Variants in ASH1L observed in about 807,000 individuals in gnomAD.
ASH1L encodes the protein histone-lysine N-methyltransferase ASH1L.
Under a neutral mutation model 269.0 loss-of-function variants are expected in ASH1L, and 23 were observed. That is an observed-to-expected ratio of 0.09 (90% confidence interval 0.06 to 0.12). The LOEUF is 0.12. ASH1L is among the 10% of genes least tolerant of loss of function. The pLI is 1.00. For synonymous variants in ASH1L, 1,187 were observed against 1,253.5 expected (o/e 0.95, Z 1.12); for missense variants, 2,912 against 3,567.8 (o/e 0.82, Z 4.68).
At chr1:155,355,007 C>T (rs752953659) in intron 15 of ASH1L, among the ~76,000 whole-genome samples, 1 of 152,128 alleles carries the variant, frequency 6.6e-6, no homozygotes, top group Admixed American at 6.6e-5. Flanking sequence ...AAGATGGATA[C>T]GCACTGGGCA....
intron 4 of ASH1L, among the ~76,000 whole-genome samples, chr1:155,441,933 T>C (rs569011777): frequency 6.4e-4 from 97 of 151,992 alleles, no homozygotes; most frequent in Non-Finnish European, 1.1e-3. Flanking sequence ...GCCCAGCTAC[T>C]TTTTTGTATT....
rs765611799 is a variant in ASH1L at position 155,480,474 on chromosome 1, G to A, written c.2396C>T (p.Pro799Leu). The A allele has an allele frequency of 3.1e-6, 5 of 1,613,976 alleles. No homozygotes were observed. The highest frequency in any genetic ancestry group is 1.1e-5 in the South Asian group (1 of 91,076). ...SLALLADSEK[P>L]SHKSFATHKL... Reference sequence around the variant, plus strand: ...GTGAGTAGCAAAAGACTTATGAGATGGTTTTTCACTATCAGCTAAGAGAGC... The same window carrying A: ...GTGAGTAGCAAAAGACTTATGAGATAGTTTTTCACTATCAGCTAAGAGAGC... The change falls in exon 3 of 28, where the codon CCA becomes CTA. Residue 799 changes from proline to leucine, a missense_variant. Coordinates refer to ENST00000392403, the MANE Select transcript of ASH1L (RefSeq NM_018489.3).
chr1:155,496,816 T>A (rs1183683621), intron 2 of ASH1L, among the ~76,000 whole-genome samples: 1 of 151,886 alleles, frequency 6.6e-6, no homozygotes, highest in Admixed American at 6.6e-5. Context: ...TTTTTTTTTT[T>A]AATTTTTGTA....
chr1:155,413,645 G>A (rs556081080), intron 6 of ASH1L, among the ~76,000 whole-genome samples: 6 of 152,114 alleles, frequency 3.9e-5, no homozygotes, highest in Admixed American at 2.0e-4. Flanking sequence ...AACAAAGAAG[G>A]AGCATGCTTT....
At chr1:155,361,315 G>A (rs1305076998) in intron 12 of ASH1L, among the ~76,000 whole-genome samples, 1 of 151,122 alleles carries the variant, frequency 6.6e-6, no homozygotes, top group Non-Finnish European at 1.5e-5. Flanking sequence ...TCAGGAGTTC[G>A]AGACCAGCCT....
At chr1:155,483,626 G>C (rs1271678117) in intron 2 of ASH1L, among the ~76,000 whole-genome samples, 1 of 151,394 alleles carries the variant, frequency 6.6e-6, no homozygotes, top group Non-Finnish European at 1.5e-5. Flanking sequence ...CTTTGACCCA[G>C]AAATCCTACT....
At chr1:155,380,456 A>G (rs1656835623) in intron 7 of ASH1L, among the ~76,000 whole-genome samples, 1 of 152,136 alleles carries the variant, frequency 6.6e-6, no homozygotes, top group Non-Finnish European at 1.5e-5. Context: ...CTTCATTATT[A>G]CACATAACCT....
At chr1:155,433,873 G>A in intron 5 of ASH1L, 1 of 1,604,340 alleles carries the variant, frequency 6.2e-7, no homozygotes, top group Non-Finnish European at 8.5e-7. Flanking sequence ...AGGCTCGAAA[G>A]AGAAAGCGAA....
chr1:155,434,202 A>T, intron 5 of ASH1L: 1 of 1,596,002 alleles, frequency 6.3e-7, no homozygotes, highest in Non-Finnish European at 8.5e-7. Context: ...CCTTTCCCTG[A>T]GGGGGAAGCC....
chr1:155,337,803 T>C (rs779553854), intron 27 of ASH1L, 52 bp from the exon 28 acceptor site: 10 of 1,522,812 alleles, frequency 6.6e-6, no homozygotes, highest in African/African-American at 1.4e-5. Flanking sequence ...CTACTCCTTA[T>C]TCCAGATTTG....
At chr1:155,415,512 G>A (rs1488574638) in intron 6 of ASH1L, among the ~76,000 whole-genome samples, 3 of 152,054 alleles carry the variant, frequency 2.0e-5, no homozygotes, top group Non-Finnish European at 4.4e-5. Context: ...GTAGTACAGT[G>A]AACACTGGTA....
intron 2 of ASH1L, among the ~76,000 whole-genome samples, chr1:155,493,459 GTTTCT>G (rs761891166): frequency 4.6e-5 from 7 of 152,134 alleles, no homozygotes; most frequent in Non-Finnish European, 7.4e-5. Context: ...AGATTCTGCT[GTTTCT>G]TTTATTAATA....
rs1357263087 is a variant in ASH1L at position 155,562,393 on chromosome 1, C to T, written c.-340G>A. ...CGCAACCGAGACTGGGATCGTCTCC[C>T]CTCCGCAAAGCGAACCCAAAATGGC... On this transcript the variant is annotated 5_prime_UTR_variant, in exon 1 of 28. Coordinates refer to ENST00000392403, the MANE Select transcript of ASH1L (RefSeq NM_018489.3). The T allele has an allele frequency of 2.7e-6, 4 of 1,501,480 alleles. No homozygotes were observed. The highest frequency in any genetic ancestry group is 1.7e-4 in the Middle Eastern group (1 of 5,932). 93.0% of individuals were successfully genotyped at this position (1,501,480 alleles called of 1,614,324 possible). A position where few individuals can be genotyped will look rare whatever the true frequency, so the allele number is the denominator to read the frequency against.
intron 5 of ASH1L, among the ~76,000 whole-genome samples, chr1:155,424,510 C>A (rs1483152593): frequency 1.3e-5 from 2 of 151,406 alleles, no homozygotes; most frequent in Non-Finnish European, 2.9e-5. Context: ...TGGATTCAAG[C>A]GATTCTCCTG....
chr1:155,478,939 T>C lies in ASH1L; in HGVS notation c.3931A>G (p.Ile1311Val). 6.2e-7 allele frequency: 1 copy of C among 1,614,014 alleles called. No individual in the cohort carries two copies. Among genetic ancestry groups the C allele is most frequent in the East Asian group, 2.2e-5 (1 of 44,884 alleles). Reference sequence around the variant, plus strand: ...ATAGTTGGCAGAAGATCTCGGGGGATAAAATGATGACTTCGATGAGTGATC... The same window carrying C: ...ATAGTTGGCAGAAGATCTCGGGGGACAAAATGATGACTTCGATGAGTGATC... ...IRITHRSHHF[I>V]PRDLLPTIFR... Residue 1311 changes from isoleucine (I) to valine (V), a missense_variant, in exon 3 of 28, where the codon ATC (isoleucine) becomes GTC (valine). By Grantham distance (29) the Ile-to-Val change is conservative. Transcript: ENST00000392403. The surrounding 1 kb of genome is among the most constrained non-coding windows in gnomAD (Gnocchi z 4.6).
chr1:155,517,091 A>G (rs1279011508), intron 2 of ASH1L, among the ~76,000 whole-genome samples: 1 of 152,248 alleles, frequency 6.6e-6, no homozygotes, highest in Non-Finnish European at 1.5e-5. Context: ...AAAGAAACAG[A>G]AAACCCCATC....
At chr1:155,347,929 A>C (rs1318001957) in intron 19 of ASH1L, 25 bp from the exon 20 acceptor site, 5 of 1,611,344 alleles carry the variant, frequency 3.1e-6, no homozygotes, top group Non-Finnish European at 4.2e-6. Flanking sequence ...TAAAGAAATC[A>C]TGTTTGGTTC....
At chr1:155,341,086 CT>C (rs2148314696) in intron 25 of ASH1L, among the ~76,000 whole-genome samples, 1 of 152,176 alleles carries the variant, frequency 6.6e-6, no homozygotes, top group African/African-American at 2.4e-5. Flanking sequence ...ATTCTCCTGC[CT>C]CAGTCTCCTG....
chr1:155,452,605 G>A (rs1302800484), intron 4 of ASH1L, among the ~76,000 whole-genome samples: 2 of 149,312 alleles, frequency 1.3e-5, no homozygotes, highest in African/African-American at 5.0e-5. Context: ...TGCCCAGGCT[G>A]GAGTGCAGTG....
Sources: gnomAD v4.1 joint callset for allele counts (sites outside exome capture counted in the v4.1 genomes callset) on GRCh38, gnomAD v4.1.1 for gene constraint, Gnocchi (gnomAD v3.1) non-coding constraint, MANE v1.5 for transcripts, NCBI Gene and HGNC (gene_info 2026-07-23, HGNC 2026-07-21) for gene names.